Variants in ITPK1 observed in about 807,000 individuals in gnomAD.
ITPK1 encodes inositol 1,3,4-trisphosphate 5/6-kinase.
ITPK1 carries 21 observed loss-of-function variants against 45.3 expected under a neutral mutation model. That is an observed-to-expected ratio of 0.46 (90% confidence interval 0.33 to 0.67). The LOEUF is 0.67. Among genes scored for constraint, ITPK1 ranks in the 30% least tolerant of loss-of-function variants. The pLI is 0.02. For synonymous variants in ITPK1, 258 were observed against 253.6 expected (o/e 1.02, Z -0.16); for missense variants, 474 against 573.5 (o/e 0.83, Z 1.77).
intron 5 of ITPK1, among the ~76,000 whole-genome samples, chr14:92,990,469 C>G (rs185499476): frequency 3.3e-4 from 50 of 152,300 alleles, no homozygotes; most frequent in Admixed American, 3.3e-3. Context: ...AGTTCTGTCG[C>G]ATTTAAGCCA....
chr14:93,060,500 C>G (rs1336236609), intron 3 of ITPK1, among the ~76,000 whole-genome samples: 1 of 152,154 alleles, frequency 6.6e-6, no homozygotes, highest in Non-Finnish European at 1.5e-5. Flanking sequence ...TGAGGGTACA[C>G]AGTCTGGAAC....
At chr14:93,082,043 A>AT (rs752162634) in intron 2 of ITPK1, among the ~76,000 whole-genome samples, 10 of 148,414 alleles carry the variant, frequency 6.7e-5, no homozygotes, top group Non-Finnish European at 1.3e-4. Flanking sequence ...GCAGCTGGGT[A>AT]TGGGGACAGC....
chr14:92,985,934 A>C (rs1186554986), intron 5 of ITPK1, among the ~76,000 whole-genome samples: 1 of 152,206 alleles, frequency 6.6e-6, no homozygotes, highest in Admixed American at 6.5e-5. Context: ...GGCTCAATGC[A>C]GTTAAATAAC....
chr14:93,051,921 T>G (rs1890031970), intron 3 of ITPK1, among the ~76,000 whole-genome samples: 1 of 152,230 alleles, frequency 6.6e-6, no homozygotes, highest in South Asian at 2.1e-4. Context: ...CAAGAATAAG[T>G]ACCTATTTCA....
At chr14:93,058,753 C>G (rs1308131942) in intron 3 of ITPK1, among the ~76,000 whole-genome samples, 3 of 7,302 alleles carry the variant, frequency 4.1e-4, no homozygotes, top group Non-Finnish European at 6.8e-4. Flanking sequence ...CAAGGGTGAA[C>G]GGGGTGCGGG....
chr14:92,941,970 A>C (rs1887449659), intron 10 of ITPK1, 66 bp from the exon 11 acceptor site: 1 of 1,412,810 alleles, frequency 7.1e-7, no homozygotes, highest in African/African-American at 1.4e-5. Context: ...AGGGAGGAGG[A>C]GGAGGAGGCA....
At chr14:93,099,453 T>C (rs1892223421) in intron 2 of ITPK1, among the ~76,000 whole-genome samples, 1 of 152,126 alleles carries the variant, frequency 6.6e-6, no homozygotes, top group Non-Finnish European at 1.5e-5. Flanking sequence ...ACAGCGACAG[T>C]GGGGCAGGAA....
chr14:92,947,808 G>A (rs1887758634), intron 9 of ITPK1, among the ~76,000 whole-genome samples: 1 of 152,182 alleles, frequency 6.6e-6, no homozygotes, highest in East Asian at 1.9e-4. Context: ...CAAAAGTGAA[G>A]CTGGGTTCAA....
At chr14:93,115,735 G>A in intron 1 of ITPK1, 37 bp downstream of exon 1, 1 of 150,544 alleles carries the variant, frequency 6.6e-6, no homozygotes, top group South Asian at 1.9e-4. Context: ...CCCCGGCGGG[G>A]CGCACGCGGC....
chr14:93,081,099 G>A (rs1891417286), intron 2 of ITPK1, among the ~76,000 whole-genome samples: 1 of 151,664 alleles, frequency 6.6e-6, no homozygotes, highest in Non-Finnish European at 1.5e-5. Context: ...GGAGGCCGAG[G>A]TGGGCCTCCC....
chr14:92,948,177 C>T (rs1180832383), intron 9 of ITPK1, among the ~76,000 whole-genome samples: 1 of 151,958 alleles, frequency 6.6e-6, no homozygotes, highest in Admixed American at 6.6e-5. Context: ...CAGCGGCTGC[C>T]AATAACATGA....
intron 3 of ITPK1, among the ~76,000 whole-genome samples, chr14:93,024,840 AGGCTCC>A (rs1286983641): frequency 1.3e-5 from 2 of 152,198 alleles, no homozygotes; most frequent in African/African-American, 4.8e-5. Context: ...TCCGGGACAC[AGGCTCC>A]TGAGCCTTCT....
chr14:93,027,292 A>G (rs532987245), intron 3 of ITPK1, among the ~76,000 whole-genome samples: 1 of 152,344 alleles, frequency 6.6e-6, no homozygotes, highest in South Asian at 2.1e-4. Context: ...CCAACTGAGC[A>G]GTCTCTAGGA....
At chr14:93,065,421 C>T (rs1245871661) in intron 3 of ITPK1, among the ~76,000 whole-genome samples, 1 of 152,208 alleles carries the variant, frequency 6.6e-6, no homozygotes, top group Non-Finnish European at 1.5e-5. Flanking sequence ...ACAAACAGCT[C>T]CTTCTGAGGA....
chr14:93,009,620 AG>A (rs1887793671), intron 4 of ITPK1, among the ~76,000 whole-genome samples: 1 of 152,204 alleles, frequency 6.6e-6, no homozygotes, highest in African/African-American at 2.4e-5. Context: ...TCTCCACCAC[AG>A]GAGGAGTCGC....
At chr14:93,094,284 A>T (rs1432844046) in intron 2 of ITPK1, among the ~76,000 whole-genome samples, 1 of 152,200 alleles carries the variant, frequency 6.6e-6, no homozygotes, top group Non-Finnish European at 1.5e-5. Flanking sequence ...AGACAGAAGG[A>T]AGCAAGAAGC....
intron 3 of ITPK1, chr14:93,037,039 C>G (rs1477869397): frequency 6.6e-6 from 1 of 152,278 alleles, no homozygotes; most frequent in Non-Finnish European, 1.5e-5. Flanking sequence ...CTCAGAAGAG[C>G]CTGCAGGCCC....
At chr14:92,995,391 T>C (rs1887000431) in intron 4 of ITPK1, among the ~76,000 whole-genome samples, 1 of 152,242 alleles carries the variant, frequency 6.6e-6, no homozygotes, top group African/African-American at 2.4e-5. Context: ...TTTGGAATTA[T>C]TTTTCTTAAG....
In ITPK1 at chr14:93,024,213, G is replaced by A. The variant is rs113817867; in HGVS notation, c.121-7412C>T. Among the ~76,000 whole-genome samples the A allele has an allele frequency of 7.9e-3, 1,202 of 152,230 alleles. 23 individuals carry two copies. Among genetic ancestry groups the A allele is most frequent in the African/African-American group, 0.027 (1,138 of 41,538 alleles). ...GCCAGGCCTGGAGGAAGGAACTCGC[G>A]GAATCCTCTTGCCCACAGCACTCCT... On this transcript the variant is annotated intron_variant, in intron 3 of 10. Coordinates refer to ENST00000267615, the MANE Select transcript of ITPK1 (RefSeq NM_014216.6).
Sources: gnomAD v4.1 joint callset for allele counts (sites outside exome capture counted in the v4.1 genomes callset) on GRCh38, gnomAD v4.1.1 for gene constraint, MANE v1.5 for transcripts, NCBI Gene and HGNC (gene_info 2026-07-23, HGNC 2026-07-21) for gene names.